The following FBXL2 variants were observed in gnomAD, a reference collection of about 807,000 sequenced individuals.
FBXL2 encodes the protein F-box/LRR-repeat protein 2.
FBXL2 carries 38 observed loss-of-function variants against 69.2 expected under a neutral mutation model. That is an observed-to-expected ratio of 0.55 (90% CI 0.42 to 0.72). FBXL2 has a LOEUF of 0.72. Ranked by LOEUF, FBXL2 falls within the 30% of genes least tolerant of loss-of-function variation. FBXL2 has a pLI of 0.00. For missense variants in FBXL2, 354 were observed against 520.3 expected, an observed-to-expected ratio of 0.68 and a Z score of 3.11; for synonymous variants, 192 against 201.3, an observed-to-expected ratio of 0.95 and a Z score of 0.39.
intron 2 of FBXL2, among the ~76,000 whole-genome samples, chr3:33,314,592 T>C (rs973223939): frequency 5.9e-5 from 9 of 152,218 alleles, no homozygotes; most frequent in African/African-American, 1.4e-4. Flanking sequence ...TGAACTCTAC[T>C]TTTCTTGGTA....
At chr3:33,410,972 C>G in the FBXL2 span, among the ~76,000 whole-genome samples, 1 of 150,970 alleles carries the variant, frequency 6.6e-6, no homozygotes, top group South Asian at 2.1e-4. Flanking sequence ...ACTCAGGAGG[C>G]TGAGAGATGA....
intron 4 of FBXL2, among the ~76,000 whole-genome samples, chr3:33,359,927 G>C (rs573095036): frequency 1.8e-4 from 28 of 152,098 alleles, no homozygotes; most frequent in Non-Finnish European, 4.0e-4. Context: ...CCATTTAAGT[G>C]TGGTAAACCT....
intron 1 of FBXL2, 55 bp downstream of exon 1, chr3:33,277,570 G>T: frequency 8.0e-7 from 1 of 1,254,394 alleles, no homozygotes; most frequent in Non-Finnish European, 1.0e-6. Flanking sequence ...TACCGGGCTG[G>T]GTCCGCACGC....
chr3:33,392,730 GA>G (rs1559663443), downstream of FBXL2: 3 of 923,766 alleles, frequency 3.2e-6, no homozygotes, highest in African/African-American at 5.0e-5. Context: ...TGGCCAAAAC[GA>G]TAATTCATGA....
chr3:33,396,029 G>C (rs900989573), intron 12 of FBXL2: 1 of 722,122 alleles, frequency 1.4e-6, no homozygotes, highest in Non-Finnish European at 2.1e-6. Context: ...TCTCATTGCT[G>C]TCAAGGCTCC....
At chr3:33,397,052 T>G (rs2044027835) in intron 12 of FBXL2, 1 of 1,592,372 alleles carries the variant, frequency 6.3e-7, no homozygotes, top group Non-Finnish European at 8.5e-7. Flanking sequence ...TACCTTGACT[T>G]CAGTGAATTA....
intron 2 of FBXL2, among the ~76,000 whole-genome samples, chr3:33,336,819 C>T (rs1396182074): frequency 2.0e-5 from 3 of 151,976 alleles, no homozygotes; most frequent in Non-Finnish European, 2.9e-5. Flanking sequence ...GCAGGGGAAT[C>T]GCTTGAACCC....
the FBXL2 span, among the ~76,000 whole-genome samples, chr3:33,421,967 C>T: frequency 6.6e-6 from 1 of 152,160 alleles, no homozygotes; most frequent in Non-Finnish European, 1.5e-5. Context: ...TCCCTTGAGC[C>T]TGGGTGGCAG....
chr3:33,375,601 C>G (rs1338556041), intron 10 of FBXL2, among the ~76,000 whole-genome samples, 183 bp downstream of exon 10: 1 of 152,096 alleles, frequency 6.6e-6, no homozygotes, highest in African/African-American at 2.4e-5. Flanking sequence ...GGAGGATGTA[C>G]TGGGAGAGTA....
intron 2 of FBXL2, among the ~76,000 whole-genome samples, chr3:33,307,782 A>G (rs1459902198): frequency 6.6e-6 from 1 of 152,130 alleles, no homozygotes; most frequent in East Asian, 1.9e-4. Context: ...AGAATATGCA[A>G]AAATTATTTG....
chr3:33,373,041 A>G, intron 5 of FBXL2, 51 bp from the exon 6 acceptor site: 1 of 1,501,654 alleles, frequency 6.7e-7, no homozygotes, highest in Middle Eastern at 1.7e-4. Context: ...TATGCCCTCT[A>G]GTGGCTGTCC....
At chr3:33,370,589 T>C (rs1414443343) in intron 5 of FBXL2, among the ~76,000 whole-genome samples, 1 of 151,218 alleles carries the variant, frequency 6.6e-6, no homozygotes, top group Non-Finnish European at 1.5e-5. Flanking sequence ...TTCTGGCTGT[T>C]TTTAGGGTTT....
chr3:33,292,323 G>A (rs543920204), intron 1 of FBXL2, among the ~76,000 whole-genome samples: 95 of 152,220 alleles, frequency 6.2e-4, no homozygotes, highest in East Asian at 3.9e-3. Context: ...AGGTTGCAGC[G>A]AGCCAAGATC....
chr3:33,393,546 CT>C, intron 12 of FBXL2: 1 of 1,238,698 alleles, frequency 8.1e-7, no homozygotes, highest in Non-Finnish European at 1.1e-6. Flanking sequence ...AAGGTCACAC[CT>C]TTCAAAGTAC....
the FBXL2 span, among the ~76,000 whole-genome samples, chr3:33,419,026 T>C: frequency 6.6e-6 from 1 of 152,142 alleles, no homozygotes; most frequent in African/African-American, 2.4e-5. Flanking sequence ...AAAACCACAC[T>C]GAAATCATTT....
chr3:33,332,884 A>G (rs867396907), intron 2 of FBXL2, among the ~76,000 whole-genome samples: 1 of 152,252 alleles, frequency 6.6e-6, no homozygotes, highest in Non-Finnish European at 1.5e-5. Context: ...GCATGATTGT[A>G]TATAAGTACA....
intron 2 of FBXL2, among the ~76,000 whole-genome samples, chr3:33,345,122 G>A (rs2040339037): frequency 6.6e-6 from 1 of 152,188 alleles, no homozygotes; most frequent in South Asian, 2.1e-4. Context: ...CAAACTGGAT[G>A]ACTTAAAACA....
In FBXL2 at chr3:33,376,211, T is replaced by TGA. The variant is rs1253402121; in HGVS notation, c.788+793_788+794insGA. 2.6e-5 allele frequency among the ~76,000 whole-genome samples: 4 copies of TGA among 151,880 alleles called. No individual in the cohort carries two copies. The East Asian group carries it at 5.8e-4, about 22-fold the overall frequency. On this transcript the variant is annotated intron_variant, in intron 10 of 14. Coordinates refer to ENST00000484457, the MANE Select transcript of FBXL2 (RefSeq NM_012157.5). The stretch of plus-strand genomic sequence containing the variant: ...GTATTCTCATCCTCAAGGTAATAGA[T>TGA]TATCATTACCAGCTATGAATATTAA...
chr3:33,407,138 G>A (rs1164053013), downstream of FBXL2, among the ~76,000 whole-genome samples: 1 of 152,154 alleles, frequency 6.6e-6, no homozygotes, highest in Non-Finnish European at 1.5e-5. Flanking sequence ...TTCAAGATGA[G>A]CTCTAACCAC....
Sources: allele counts gnomAD v4.1 joint callset (sites outside exome capture counted in the v4.1 genomes callset), GRCh38; gene constraint gnomAD v4.1.1; transcripts MANE v1.5; gene names NCBI Gene and HGNC (gene_info 2026-07-23, HGNC 2026-07-21).